The following USP6NL variants were observed in gnomAD, a reference collection of about 807,000 sequenced individuals.
USP6NL encodes the protein USP6 N-terminal-like protein.
A neutral mutation model predicts 61.9 loss-of-function variants in USP6NL; 26 were observed. That is an observed-to-expected ratio of 0.42 (90% CI 0.31 to 0.58). The LOEUF (loss-of-function observed/expected upper bound fraction) is 0.58. Ranked by LOEUF, USP6NL falls within the 20% of genes least tolerant of loss-of-function variation. The pLI is 0.16. For synonymous variants in USP6NL, 432 were observed against 390.1 expected, an observed-to-expected ratio of 1.11 and a Z score of -1.27; for missense variants, 1,114 against 1,034.3, an observed-to-expected ratio of 1.08 and a Z score of -1.06.
At position 11,602,070 on chromosome 10, in the gene USP6NL, TAC is replaced by T. The variant is rs141671479; in HGVS notation, c.-83-4355_-83-4354del. 8.0e-4 allele frequency among the ~76,000 whole-genome samples: 122 copies of T among 151,748 alleles called. No homozygotes were observed. The highest frequency in any genetic ancestry group is 3.0e-3 in the Admixed American group (45 of 15,234). On this transcript the variant is annotated intron_variant, in intron 1 of 14. Coordinates refer to ENST00000609104, the MANE Select transcript of USP6NL (RefSeq NM_014688.5). This position sits in a 1 kb window ranked among gnomAD's most constrained non-coding sequence, Gnocchi z 4.8. Reference sequence around the variant, plus strand: ...ATATATACATACATATACATACATATACACACACACACACGTCCAAATAACAA... The same window carrying T: ...ATATATACATACATATACATACATATACACACACACACGTCCAAATAACAA...
At chr10:11,560,888 T>C (rs1245838125) in intron 2 of USP6NL, among the ~76,000 whole-genome samples, 3 of 151,820 alleles carry the variant, frequency 2.0e-5, no homozygotes, top group Non-Finnish European at 4.4e-5. Flanking sequence ...AAGTTAAGAC[T>C]AGAAGCAGAA....
In USP6NL at chr10:11,461,448, A is replaced by G. The variant is rs902540380; in HGVS notation, c.*993T>C. ...CATAAAGAGGACAGAAATGGATTGT[A>G]TAAATGGCCACCCTGGGACCTTCGT... On this transcript the variant is annotated 3_prime_UTR_variant, in exon 15 of 15. Transcript: ENST00000609104. 1 of 152,236 alleles carries G rather than the reference A, an allele frequency of 6.6e-6. No homozygotes were observed. The highest frequency in any genetic ancestry group is 2.4e-5 in the African/African-American group (1 of 41,464). 9.4% of individuals were successfully genotyped at this position (152,236 alleles called of 1,614,324 possible).
At chr10:11,541,649 G>A (rs949507281) in intron 2 of USP6NL, among the ~76,000 whole-genome samples, 5 of 152,086 alleles carry the variant, frequency 3.3e-5, no homozygotes, top group Non-Finnish European at 1.5e-5. Flanking sequence ...ATAGAAAGCC[G>A]TAAGTGTTTT....
chr10:11,514,049 C>A (rs561459740), intron 5 of USP6NL, among the ~76,000 whole-genome samples: 12 of 152,332 alleles, frequency 7.9e-5, no homozygotes, highest in Non-Finnish European at 1.5e-4. Context: ...CCACTTCTAG[C>A]GATGATGCTA....
chr10:11,495,386 G>A lies in USP6NL; in HGVS notation c.385-2158C>T, dbSNP rs143550471. Among the ~76,000 whole-genome samples, 20 of 152,172 alleles carry A rather than the reference G, an allele frequency of 1.3e-4. No individual in the cohort carries two copies. In the East Asian group the frequency reaches 2.5e-3, roughly 19 times the overall value. ...ATATTTTATTATACTGGAACAGCTC[G>A]TGTCCTCGGTCTCTTGCCTCAGCAC... On this transcript the variant is annotated intron_variant, in intron 7 of 14. Transcript: ENST00000609104. The surrounding 1 kb of genome is among the most constrained non-coding windows in gnomAD (Gnocchi z 4.6).
chr10:11,569,344 A>G (rs1837278203), intron 2 of USP6NL, among the ~76,000 whole-genome samples: 3 of 152,330 alleles, frequency 2.0e-5, no homozygotes, highest in Admixed American at 1.3e-4. Flanking sequence ...TGGCAATTTT[A>G]ACCATCTAAA....
intron 5 of USP6NL, among the ~76,000 whole-genome samples, chr10:11,512,008 C>T (rs956920113): frequency 6.6e-6 from 1 of 152,092 alleles, no homozygotes; most frequent in Non-Finnish European, 1.5e-5. Context: ...ATGAAATATA[C>T]TTTCTCACCA....
At chr10:11,554,887 C>T (rs1237425955) in intron 2 of USP6NL, among the ~76,000 whole-genome samples, 1 of 150,228 alleles carries the variant, frequency 6.7e-6, no homozygotes, top group African/African-American at 2.4e-5. Flanking sequence ...GCAAGCTCCG[C>T]CTCCTGGGTT....
In USP6NL at chr10:11,462,795, C is replaced by T. The variant is rs2096220669; in HGVS notation, c.2133G>A (p.Ser711=). 6.2e-7 allele frequency: 1 copy of T among 1,613,910 alleles called. No individual in the cohort carries two copies. The highest frequency in any genetic ancestry group is 8.5e-7 in the Non-Finnish European group (1 of 1,179,882). Reference sequence around the variant, plus strand: ...CATTCTTTGGTGACCCTGAATTGCCCGAATATCCCCCAGCACCAGTGTCAA... The same window carrying T: ...CATTCTTTGGTGACCCTGAATTGCCTGAATATCCCCCAGCACCAGTGTCAA... ...LPVDTGAGGY[S]GNSGSPKNGK... Residue 711 remains serine (S), a synonymous_variant, in exon 15 of 15, where the codon TCG becomes TCA. Transcript: ENST00000609104.
chr10:11,541,230 CATATAT>C (rs71378797), intron 2 of USP6NL, among the ~76,000 whole-genome samples: 5,102 of 43,102 alleles, frequency 0.12, 143 homozygotes, highest in Non-Finnish European at 0.14. Context: ...TCAATAGTGC[CATATAT>C]ATATATATAT....
intron 7 of USP6NL, among the ~76,000 whole-genome samples, chr10:11,494,075 AAATTTTT>A (rs1272027607): frequency 1.3e-5 from 2 of 152,348 alleles, no homozygotes; most frequent in African/African-American, 4.8e-5. Context: ...ATGGAAGATA[AAATTTTT>A]GAAACTTTGA....
rs558171670 is a variant in USP6NL, at chr10:11,597,227, T to G, written c.4+404A>C. Among the ~76,000 whole-genome samples the G allele has an allele frequency of 1.3e-5, 2 of 152,010 alleles. No individual in the cohort carries two copies. The highest frequency in any genetic ancestry group is 2.1e-4 in the South Asian group (1 of 4,814). On this transcript the variant is annotated intron_variant, in intron 2 of 14. Transcript: ENST00000609104. This position sits in a 1 kb window ranked among gnomAD's most constrained non-coding sequence, Gnocchi z 4.6. Reference sequence around the variant, plus strand: ...AGAGACATTGATAGATTGTTAGGGGTTTTTTTTCCCTTAAATACAATATAA... The same window carrying G: ...AGAGACATTGATAGATTGTTAGGGGGTTTTTTTCCCTTAAATACAATATAA...
At chr10:11,505,644 G>A (rs557621533) in intron 6 of USP6NL, among the ~76,000 whole-genome samples, 1 of 152,046 alleles carries the variant, frequency 6.6e-6, no homozygotes, top group Admixed American at 6.5e-5. Flanking sequence ...AAAGTCTACA[G>A]TAGTCCCACA....
intron 2 of USP6NL, among the ~76,000 whole-genome samples, chr10:11,567,878 G>C (rs1187839546): frequency 6.6e-6 from 1 of 152,108 alleles, no homozygotes; most frequent in Non-Finnish European, 1.5e-5. Context: ...AAAGAATCTA[G>C]TGTACAGGGA....
chr10:11,501,258 A>G, intron 6 of USP6NL, 50 bp from the exon 7 acceptor site: 2 of 1,402,822 alleles, frequency 1.4e-6, no homozygotes, highest in South Asian at 2.6e-5. Flanking sequence ...AAAAACTTAG[A>G]TTAGTCTCTA....
At chr10:11,471,842 G>A (rs1410803129) in intron 14 of USP6NL, among the ~76,000 whole-genome samples, 2 of 137,538 alleles carry the variant, frequency 1.5e-5, no homozygotes, top group Non-Finnish European at 3.1e-5. Flanking sequence ...GGGGGGAGGG[G>A]GGGACAGCAT....
intron 5 of USP6NL, among the ~76,000 whole-genome samples, chr10:11,512,868 G>A (rs1834784087): frequency 6.6e-6 from 1 of 152,180 alleles, no homozygotes; most frequent in South Asian, 2.1e-4. Context: ...AGACCCAGAT[G>A]ACCTGGGTTC....
At chr10:11,466,332 T>G (rs763654808) in intron 14 of USP6NL, among the ~76,000 whole-genome samples, 1 of 152,228 alleles carries the variant, frequency 6.6e-6, no homozygotes, top group East Asian at 1.9e-4. Context: ...ATCAGCTATC[T>G]GGCGGTCACA....
chr10:11,471,139 C>T (rs1483691580), intron 14 of USP6NL, among the ~76,000 whole-genome samples: 3 of 152,060 alleles, frequency 2.0e-5, no homozygotes, highest in Admixed American at 6.6e-5. Flanking sequence ...GAGCCGAGAA[C>T]GCCACTGCAC....
Sources: allele counts gnomAD v4.1 joint callset (sites outside exome capture counted in the v4.1 genomes callset), GRCh38; gene constraint gnomAD v4.1.1; non-coding constraint Gnocchi (gnomAD v3.1); transcripts MANE v1.5; gene names NCBI Gene and HGNC (gene_info 2026-07-23, HGNC 2026-07-21).